PRKAR1A: variants seen among roughly 807,000 people sequenced by gnomAD.
The protein encoded by PRKAR1A is protein kinase cAMP-dependent type I regulatory subunit alpha.
In PRKAR1A, 3 loss-of-function variants were observed where a neutral mutation model predicts 52.0. That is an observed-to-expected ratio of 0.06 (90% CI 0.03 to 0.15). PRKAR1A has a LOEUF of 0.15. Ranked by LOEUF, PRKAR1A falls within the 10% of genes least tolerant of loss-of-function variation. The pLI, the probability that PRKAR1A is intolerant of heterozygous loss-of-function variation, is 1.00. For synonymous variants in PRKAR1A, 188 were observed against 168.4 expected (o/e 1.12, Z -0.90); for missense variants, 240 against 477.4 (o/e 0.50, Z 4.63).
At chr17:68,489,207 T>TATATAC in the PRKAR1A span, among the ~76,000 whole-genome samples, 1 of 40,212 alleles carries the variant, frequency 2.5e-5, no homozygotes, top group Non-Finnish European at 4.2e-5. Flanking sequence ...TATATATATA[T>TATATAC]ATATATATAT....
chr17:68,475,764 C>G, the PRKAR1A span, among the ~76,000 whole-genome samples: 20 of 152,286 alleles, frequency 1.3e-4, 2 homozygotes, highest in South Asian at 3.7e-3. Context: ...CCAGCCCATC[C>G]TAGCCATTTT....
At chr17:68,518,951 A>G (rs1198867113) in intron 2 of PRKAR1A, among the ~76,000 whole-genome samples, 4 of 152,230 alleles carry the variant, frequency 2.6e-5, no homozygotes, top group Admixed American at 1.3e-4. Context: ...GTCTCTTTGC[A>G]TAGCGAGAGT....
chr17:68,451,851 G>T, the PRKAR1A span, among the ~76,000 whole-genome samples: 31 of 152,224 alleles, frequency 2.0e-4, no homozygotes, highest in Non-Finnish European at 4.3e-4. Flanking sequence ...TGAGCACAAA[G>T]GTTACGGCTT....
intron 11 of PRKAR1A, among the ~76,000 whole-genome samples, chr17:68,549,268 G>A (rs1287546507): frequency 1.3e-5 from 2 of 152,098 alleles, no homozygotes; most frequent in Non-Finnish European, 2.9e-5. Flanking sequence ...GCCAAGACAG[G>A]GGAATCGCCT....
At chr17:68,472,295 C>T in the PRKAR1A span, among the ~76,000 whole-genome samples, 1 of 152,166 alleles carries the variant, frequency 6.6e-6, no homozygotes, top group South Asian at 2.1e-4. Flanking sequence ...GCTCTCAGAC[C>T]CTCACCTTGC....
chr17:68,530,605 C>T lies in PRKAR1A; in HGVS notation c.*156C>T, dbSNP rs535007635. The T allele has an allele frequency of 7.6e-5, 116 of 1,535,496 alleles. No individual in the cohort carries two copies. The highest frequency in any genetic ancestry group is 2.0e-4 in the Admixed American group (10 of 50,730). On this transcript the variant is annotated 3_prime_UTR_variant, in exon 11 of 11. Coordinates refer to ENST00000589228, the MANE Select transcript of PRKAR1A (RefSeq NM_002734.5). ...AAAGTTGCTTTTATTGCACCATTTT[C>T]AATTTGGAGCATTAACTAAATGCTC...
the PRKAR1A span, among the ~76,000 whole-genome samples, chr17:68,477,770 T>G: frequency 1.3e-5 from 2 of 152,038 alleles, no homozygotes; most frequent in East Asian, 1.9e-4. Flanking sequence ...TCGACTAGGC[T>G]GGAGTGCAGT....
intron 11 of PRKAR1A, chr17:68,539,802 G>T (rs2086208838): frequency 1.5e-6 from 2 of 1,324,802 alleles, no homozygotes; most frequent in Non-Finnish European, 1.1e-6. Context: ...CATTTGCAGG[G>T]CGTCTGTTTC....
In PRKAR1A at chr17:68,532,430, CT is replaced by C; in HGVS notation, c.*1982del. 6 of 1,060,416 alleles carry C rather than the reference CT, an allele frequency of 5.7e-6. No individual in the cohort carries two copies. The highest frequency in any genetic ancestry group is 6.9e-6 in the Non-Finnish European group (6 of 874,718). The allele number at this position is 1,060,416 out of a possible 1,614,324, so 65.7% of individuals were successfully genotyped here. ...CATTTGGCTTGCTGTTTACTCCCTTCTGTAGTTTTTAATTAAAAACTTTAAA... is the reference window on the plus strand; with the variant it reads ...CATTTGGCTTGCTGTTTACTCCCTTCGTAGTTTTTAATTAAAAACTTTAAA... On this transcript the variant is annotated 3_prime_UTR_variant, in exon 11 of 11. Coordinates refer to ENST00000589228, the MANE Select transcript of PRKAR1A (RefSeq NM_002734.5).
At chr17:68,523,586 A>G (rs2085685362) in intron 3 of PRKAR1A, 139 bp from the exon 4 acceptor site, 2 of 701,994 alleles carry the variant, frequency 2.8e-6, no homozygotes, top group Non-Finnish European at 5.1e-6. Flanking sequence ...AGATAGTACA[A>G]GTGTGTTGTA....
At chr17:68,437,157 T>C in the PRKAR1A span, among the ~76,000 whole-genome samples, 1 of 152,082 alleles carries the variant, frequency 6.6e-6, no homozygotes, top group African/African-American at 2.4e-5. Context: ...AATCTTCCTA[T>C]AGTGAAAAGT....
At chr17:68,525,045 G>A in intron 6 of PRKAR1A, 87 bp downstream of exon 6, 1 of 1,072,748 alleles carries the variant, frequency 9.3e-7, no homozygotes, top group South Asian at 1.3e-5. Flanking sequence ...GATTTTGAAG[G>A]GTCATTACAT....
At chr17:68,485,437 G>T in the PRKAR1A span, among the ~76,000 whole-genome samples, 1 of 152,182 alleles carries the variant, frequency 6.6e-6, no homozygotes, top group Non-Finnish European at 1.5e-5. Context: ...TACTTCTATT[G>T]AGTTAAGCCT....
chr17:68,437,010 A>ATGTGTGTGTGTGTGTGTG, the PRKAR1A span, among the ~76,000 whole-genome samples: 11 of 77,906 alleles, frequency 1.4e-4, no homozygotes, highest in African/African-American at 6.1e-4. Context: ...AAAAAAATAT[A>ATGTGTGTGTGTGTGTGTG]TATATATGTG....
rs1203094426 is a variant in PRKAR1A, at chr17:68,524,967, T to C, written c.549+9T>C. 6.3e-7 allele frequency: 1 copy of C among 1,596,716 alleles called. No individual in the cohort carries two copies. The highest frequency in any genetic ancestry group is 8.6e-7 in the Non-Finnish European group (1 of 1,164,398). On this transcript the variant is annotated intron_variant, in intron 6 of 10. Coordinates refer to ENST00000589228, the MANE Select transcript of PRKAR1A (RefSeq NM_002734.5). ...ATCAAGGAGAGACGGATGTAAGATT[T>C]ACCAATATCAAAAATATGTTGATCT...
chr17:68,495,978 CCTCTCCTCTCCTCT>C, the PRKAR1A span, among the ~76,000 whole-genome samples: 3 of 6,708 alleles, frequency 4.5e-4, no homozygotes, highest in Non-Finnish European at 5.0e-4. Flanking sequence ...TCTCCTCTCT[CCTCTCCTCTCCTCT>C]CCTCTCCTCC....
chr17:68,471,891 C>T, the PRKAR1A span, among the ~76,000 whole-genome samples: 4 of 152,106 alleles, frequency 2.6e-5, no homozygotes. Context: ...AACTCTGCCT[C>T]CCAGGTTCAA....
chr17:68,513,612 GGTT>G (rs979458004), intron 1 of PRKAR1A, among the ~76,000 whole-genome samples: 1 of 152,216 alleles, frequency 6.6e-6, no homozygotes, highest in African/African-American at 2.4e-5. Context: ...GGGAAGGCTA[GGTT>G]GTTGGGCTTT....
the PRKAR1A span, among the ~76,000 whole-genome samples, chr17:68,483,792 T>TG: frequency 6.7e-6 from 1 of 149,380 alleles, no homozygotes; most frequent in Admixed American, 6.8e-5. Context: ...ACCTGGGAGG[T>TG]GGAGGTTGCG....
Sources: allele counts gnomAD v4.1 joint callset (sites outside exome capture counted in the v4.1 genomes callset), GRCh38; gene constraint gnomAD v4.1.1; transcripts MANE v1.5; gene names NCBI Gene and HGNC (gene_info 2026-07-23, HGNC 2026-07-21).